ASIP: variants seen among roughly 807,000 people sequenced by gnomAD.
ASIP encodes the protein agouti signaling protein.
ASIP carries 11 observed loss-of-function variants against 10.3 expected under a neutral mutation model. The ratio of observed to expected loss-of-function variants is 1.07; its 90% CI spans 0.68 to 1.78. The LOEUF is 1.78. Ranked by LOEUF, ASIP falls within the 40% of genes most tolerant of loss-of-function variation. The pLI, the probability that ASIP is intolerant of heterozygous loss-of-function variation, is 0.00. For synonymous variants in ASIP, 70 were observed against 70.8 expected (o/e 0.99, Z 0.06); for missense variants, 180 against 169.2 (o/e 1.06, Z -0.35).
At chr20:34,260,238 C>G (rs918526995) in intron 1 of ASIP, 127 bp from the exon 2 acceptor site, 5 of 921,814 alleles carry the variant, frequency 5.4e-6, no homozygotes, top group Non-Finnish European at 8.1e-6. Context: ...TGCTAATCCT[C>G]CAGCTCCACC....
intron 1 of ASIP, among the ~76,000 whole-genome samples, chr20:34,244,060 A>G (rs1172015973): frequency 1.3e-5 from 2 of 152,140 alleles, no homozygotes; most frequent in African/African-American, 2.4e-5. Context: ...GTGAGACTCC[A>G]TCTCAAAACA....
At chr20:34,214,748 C>T in intron 1 of ASIP, 2 of 1,237,442 alleles carry the variant, frequency 1.6e-6, no homozygotes, top group Non-Finnish European at 2.4e-6. Flanking sequence ...AACATGATTG[C>T]CTCCACATTA....
intron 1 of ASIP, among the ~76,000 whole-genome samples, chr20:34,253,441 A>T (rs1002611873): frequency 8.9e-6 from 1 of 111,982 alleles, no homozygotes; most frequent in South Asian, 3.0e-4. Flanking sequence ...TCTTATTTTT[A>T]TTTTATTTTA....
At chr20:34,245,474 G>A (rs566321101) in intron 1 of ASIP, among the ~76,000 whole-genome samples, 86 of 148,624 alleles carry the variant, frequency 5.8e-4, no homozygotes, top group Middle Eastern at 3.5e-3. Flanking sequence ...TGCAACCTCC[G>A]CCTCCCAGGT....
rs115555258 is a variant in ASIP, at chr20:34,206,292, G to A, written c.-11+11532G>A. 7.3e-3 allele frequency among the ~76,000 whole-genome samples: 1,115 copies of A among 152,192 alleles called. 11 individuals are homozygous for A. Among genetic ancestry groups the A allele is most frequent in the African/African-American group, 0.026 (1,069 of 41,510 alleles). ...ATTGCAGGCATGAGCTACCACGCCC[G>A]GCCTCGAATTGTATTTTTGTATTCA... is the stretch of plus-strand genomic sequence containing the variant. On this transcript the variant is annotated intron_variant, in intron 1 of 3. Coordinates refer to the ASIP transcript ENST00000568305.
At chr20:34,258,688 T>TATATATATATAC (rs1277541256) in intron 1 of ASIP, among the ~76,000 whole-genome samples, 1 of 66,574 alleles carries the variant, frequency 1.5e-5, no homozygotes, top group Non-Finnish European at 2.3e-5. Context: ...TATATATATA[T>TATATATATATAC]ATACATACTA....
intron 1 of ASIP, chr20:34,215,372 T>TAC: frequency 6.4e-7 from 1 of 1,573,408 alleles, no homozygotes; most frequent in East Asian, 2.2e-5. Flanking sequence ...TCCCTCATGG[T>TAC]ATCTTTTATG....
At chr20:34,242,482 C>T (rs1460219077) in intron 1 of ASIP, among the ~76,000 whole-genome samples, 1 of 152,218 alleles carries the variant, frequency 6.6e-6, no homozygotes, top group African/African-American at 2.4e-5. Flanking sequence ...ATCTGCCCAC[C>T]TCAGCCTCCC....
intron 1 of ASIP, chr20:34,215,381 T>C (rs1406788282): frequency 1.9e-6 from 3 of 1,573,352 alleles, no homozygotes; most frequent in Non-Finnish European, 2.6e-6. Context: ...GTATCTTTTA[T>C]GAGAGTATTC....
chr20:34,223,267 C>T (rs1218991586), intron 1 of ASIP, among the ~76,000 whole-genome samples: 1 of 150,220 alleles, frequency 6.7e-6, no homozygotes, highest in Non-Finnish European at 1.5e-5. Context: ...GTGGGGAGCG[C>T]CTCTGCCCTG....
At chr20:34,199,520 T>C (rs2034879745) in intron 1 of ASIP, among the ~76,000 whole-genome samples, 2 of 152,216 alleles carry the variant, frequency 1.3e-5, no homozygotes, top group South Asian at 4.1e-4. Context: ...GATGGGTGTA[T>C]AGTGGAATGC....
chr20:34,201,824 C>G (rs1299632589), intron 1 of ASIP, among the ~76,000 whole-genome samples: 1 of 152,146 alleles, frequency 6.6e-6, no homozygotes, highest in African/African-American at 2.4e-5. Context: ...CAGTGTCAAG[C>G]TAATGAGGTT....
intron 1 of ASIP, among the ~76,000 whole-genome samples, chr20:34,199,053 G>A (rs1219109100): frequency 6.6e-6 from 1 of 151,930 alleles, no homozygotes; most frequent in East Asian, 1.9e-4. Context: ...GGCTTCTTTC[G>A]CTTAATATTA....
intron 1 of ASIP, among the ~76,000 whole-genome samples, chr20:34,220,612 G>C (rs1261779949): frequency 6.7e-6 from 1 of 150,286 alleles, no homozygotes; most frequent in African/African-American, 2.5e-5. Context: ...AAAAAAAGAA[G>C]TAAGCACAAG....
At chr20:34,197,742 G>A (rs1204112479) in intron 1 of ASIP, among the ~76,000 whole-genome samples, 2 of 152,138 alleles carry the variant, frequency 1.3e-5, no homozygotes, top group Non-Finnish European at 2.9e-5. Flanking sequence ...TTCATTGCTT[G>A]GAACCCAGAC....
At chr20:34,240,898 G>A (rs117750613), upstream of ASIP, among the ~76,000 whole-genome samples, 948 of 152,216 alleles carry the variant, frequency 6.2e-3, 7 homozygotes, top group Middle Eastern at 0.01. Context: ...CAGACCACAA[G>A]ACTTCTGGCA....
At chr20:34,244,356 T>C (rs1350501940) in intron 1 of ASIP, among the ~76,000 whole-genome samples, 3 of 152,218 alleles carry the variant, frequency 2.0e-5, no homozygotes, top group Admixed American at 6.5e-5. Context: ...GTATTTTTCA[T>C]TGGTTAGCAG....
At chr20:34,233,443 G>A (rs534536598) in intron 1 of ASIP, among the ~76,000 whole-genome samples, 56 of 152,088 alleles carry the variant, frequency 3.7e-4, no homozygotes, top group African/African-American at 1.2e-3. Context: ...CACCGCGCCC[G>A]GCCCACATGG....
chr20:34,215,201 G>A lies in ASIP; in HGVS notation c.-11+20441G>A. On this transcript the variant is annotated intron_variant, in intron 1 of 3. Transcript: ENST00000568305. ...AGAACTTCTATTGACATATGACCTA[G>A]CAGCATATTTATAAACCTATCATTG... 3 of 1,600,282 alleles carry A rather than the reference G, an allele frequency of 1.9e-6. No homozygotes were observed. The South Asian group carries it at 3.3e-5, about 18-fold the overall frequency.
Sources: gnomAD v4.1 joint callset for allele counts (sites outside exome capture counted in the v4.1 genomes callset) on GRCh38, gnomAD v4.1.1 for gene constraint, MANE v1.5 for transcripts, NCBI Gene and HGNC (gene_info 2026-07-23, HGNC 2026-07-21) for gene names.